RPS6KC1: variants seen among roughly 807,000 people sequenced by gnomAD.
RPS6KC1 encodes inactive ribosomal protein S6 kinase delta-1.
A neutral mutation model predicts 103.8 loss-of-function variants in RPS6KC1; 54 were observed. That is an observed-to-expected ratio of 0.52 (90% CI 0.42 to 0.65). The LOEUF (loss-of-function observed/expected upper bound fraction) is 0.65, where lower values mean the gene tolerates loss of function less well. Ranked by LOEUF, RPS6KC1 falls within the 30% of genes least tolerant of loss-of-function variation. RPS6KC1 has a pLI of 0.00. For synonymous variants in RPS6KC1, 439 were observed against 438.7 expected (o/e 1.00, Z -0.01); for missense variants, 1,151 against 1,253.8 (o/e 0.92, Z 1.24).
chr1:213,458,646 G>A, the RPS6KC1 span, among the ~76,000 whole-genome samples: 1 of 152,110 alleles, frequency 6.6e-6, no homozygotes, highest in African/African-American at 2.4e-5. Flanking sequence ...CCAATACTAT[G>A]TTGAATAGGA....
chr1:213,461,524 A>C, the RPS6KC1 span, among the ~76,000 whole-genome samples: 5 of 152,372 alleles, frequency 3.3e-5, no homozygotes, highest in South Asian at 1.0e-3. Flanking sequence ...ACCTGACTTT[A>C]AACTATACTA....
intron 8 of RPS6KC1, among the ~76,000 whole-genome samples, chr1:213,203,308 G>A (rs141274404): frequency 5.1e-4 from 78 of 152,222 alleles, no homozygotes; most frequent in African/African-American, 1.8e-3. Flanking sequence ...CGATTTTGGA[G>A]CATTTTGGAT....
rs999406621 is a variant in RPS6KC1, at chr1:213,241,631, G to A, written c.2155G>A (p.Gly719Arg). 9 of 1,613,702 alleles carry A rather than the reference G, an allele frequency of 5.6e-6. No homozygotes were observed. The African/African-American group carries it at 1.2e-4, about 22-fold the overall frequency. Reference protein sequence around the residue: ...GPTKFTQTNIGIIENKLLEAP... With the variant: ...GPTKFTQTNIRIIENKLLEAP... Reference sequence around the variant, plus strand: ...TACTAAGTTTACACAAACTAATATAGGGATAATAGAAAATAAACTCTTGGA... The same window carrying A: ...TACTAAGTTTACACAAACTAATATAAGGATAATAGAAAATAAACTCTTGGA... Residue 719 changes from glycine to arginine, a missense_variant, in exon 11 of 15, where the codon GGG becomes AGG. Transcript: ENST00000366960.
At chr1:213,408,909 C>T in the RPS6KC1 span, among the ~76,000 whole-genome samples, 19 of 152,280 alleles carry the variant, frequency 1.2e-4, no homozygotes, top group East Asian at 1.4e-3. Flanking sequence ...CCTTACAGAA[C>T]GGTAGAGAAC....
chr1:213,528,109 G>A, the RPS6KC1 span, among the ~76,000 whole-genome samples: 1 of 152,084 alleles, frequency 6.6e-6, no homozygotes, highest in Non-Finnish European at 1.5e-5. Flanking sequence ...GTTCAAAGCT[G>A]TTGTACTAGT....
chr1:213,156,409 G>C (rs2089891870), intron 6 of RPS6KC1, among the ~76,000 whole-genome samples: 1 of 152,128 alleles, frequency 6.6e-6, no homozygotes, highest in African/African-American at 2.4e-5. Context: ...AAAATGGAGA[G>C]GGGGAAACAA....
chr1:213,807,426 G>A, the RPS6KC1 span, among the ~76,000 whole-genome samples: 5 of 152,182 alleles, frequency 3.3e-5, no homozygotes, highest in South Asian at 2.1e-4. Context: ...CCAATCAGAC[G>A]TAGATTTGGT....
chr1:213,593,918 T>C, the RPS6KC1 span, among the ~76,000 whole-genome samples: 11 of 152,050 alleles, frequency 7.2e-5, no homozygotes, highest in Non-Finnish European at 1.5e-5. Flanking sequence ...CAGGCTGGAG[T>C]GCAGTGGTGA....
chr1:213,464,960 A>C, the RPS6KC1 span, among the ~76,000 whole-genome samples: 1 of 151,986 alleles, frequency 6.6e-6, no homozygotes. Flanking sequence ...TTCTTTAGGC[A>C]TTGCCCTCAG....
chr1:213,116,093 A>G (rs974826404), intron 4 of RPS6KC1, among the ~76,000 whole-genome samples: 2 of 151,844 alleles, frequency 1.3e-5, no homozygotes, highest in Admixed American at 6.6e-5. Flanking sequence ...GCTGAGTTCA[A>G]TTCCTGGGTA....
chr1:213,804,188 A>AC, the RPS6KC1 span, among the ~76,000 whole-genome samples: 1 of 150,288 alleles, frequency 6.7e-6, no homozygotes, highest in African/African-American at 2.4e-5. Flanking sequence ...AAAAAAAAAA[A>AC]AAAAAAAAAA....
the RPS6KC1 span, among the ~76,000 whole-genome samples, chr1:213,294,340 G>A: frequency 1.3e-5 from 2 of 152,142 alleles, no homozygotes; most frequent in Non-Finnish European, 2.9e-5. Context: ...CAGTCATTTA[G>A]GGCCTCTTAT....
chr1:213,674,814 T>C, the RPS6KC1 span, among the ~76,000 whole-genome samples: 619 of 152,270 alleles, frequency 4.1e-3, 2 homozygotes, highest in East Asian at 0.032. Context: ...TTTTTTTAAC[T>C]TTTTAATAAT....
chr1:213,569,478 C>T, the RPS6KC1 span, among the ~76,000 whole-genome samples: 50 of 152,280 alleles, frequency 3.3e-4, no homozygotes, highest in African/African-American at 1.2e-3. Context: ...TTTTCTGAAA[C>T]AGCTGCATCC....
At chr1:213,720,000 C>T in the RPS6KC1 span, among the ~76,000 whole-genome samples, 1 of 151,880 alleles carries the variant, frequency 6.6e-6, no homozygotes, top group South Asian at 2.1e-4. Context: ...CCTGCTCTTC[C>T]TGCCTTCCTC....
At chr1:213,598,237 C>T in the RPS6KC1 span, among the ~76,000 whole-genome samples, 1 of 152,204 alleles carries the variant, frequency 6.6e-6, no homozygotes, top group African/African-American at 2.4e-5. Flanking sequence ...GAAGAAGTCA[C>T]ACTCTCCAAC....
intron 12 of RPS6KC1, among the ~76,000 whole-genome samples, chr1:213,257,998 T>C (rs2094692670): frequency 6.6e-6 from 1 of 151,948 alleles, no homozygotes; most frequent in African/African-American, 2.4e-5. Flanking sequence ...TTTATTTTTT[T>C]TGAGATGGAG....
chr1:213,225,749 G>A (rs1311066788), intron 8 of RPS6KC1, among the ~76,000 whole-genome samples: 1 of 152,166 alleles, frequency 6.6e-6, no homozygotes, highest in Non-Finnish European at 1.5e-5. Flanking sequence ...CAGTAAGGAG[G>A]TATCACTCCT....
the RPS6KC1 span, among the ~76,000 whole-genome samples, chr1:213,529,941 T>C: frequency 6.6e-6 from 1 of 152,186 alleles, no homozygotes; most frequent in Non-Finnish European, 1.5e-5. Flanking sequence ...TTTTGGCACC[T>C]TTTGTACCTC....
Sources: allele counts gnomAD v4.1 joint callset (sites outside exome capture counted in the v4.1 genomes callset), GRCh38; gene constraint gnomAD v4.1.1; transcripts MANE v1.5; gene names NCBI Gene and HGNC (gene_info 2026-07-23, HGNC 2026-07-21).